UTRN: variants seen among roughly 807,000 people sequenced by gnomAD.
The protein encoded by UTRN is dystrophin-related protein 1.
A neutral mutation model predicts 463.9 loss-of-function variants in UTRN; 283 were observed. The ratio of observed to expected loss-of-function variants is 0.61; its 90% CI spans 0.55 to 0.67. The LOEUF is 0.67. Among genes scored for constraint, UTRN ranks in the 30% least tolerant of loss-of-function variants. The pLI, the probability that UTRN is intolerant of heterozygous loss-of-function variation, is 0.00. For synonymous variants in UTRN, 1,442 were observed against 1,431.5 expected, an observed-to-expected ratio of 1.01 and a Z score of -0.17; for missense variants, 3,922 against 4,084.3, an observed-to-expected ratio of 0.96 and a Z score of 1.08.
At chr6:144,345,785 G>T (rs1338011215) in intron 2 of UTRN, among the ~76,000 whole-genome samples, 1 of 152,164 alleles carries the variant, frequency 6.6e-6, no homozygotes, top group African/African-American at 2.4e-5. Flanking sequence ...TGGTCAGCTA[G>T]TCTTCATCAA....
intron 65 of UTRN, among the ~76,000 whole-genome samples, chr6:144,812,937 A>G (rs541164618): frequency 3.7e-4 from 57 of 152,258 alleles, no homozygotes; most frequent in Middle Eastern, 3.4e-3. Flanking sequence ...AGTACAGTGG[A>G]GTAAAGCACA....
At chr6:144,558,641 TA>T (rs1164071597) in intron 50 of UTRN, among the ~76,000 whole-genome samples, 2 of 151,344 alleles carry the variant, frequency 1.3e-5, no homozygotes, top group Non-Finnish European at 2.9e-5. Flanking sequence ...TAATAATAAT[TA>T]AAAAAAAGAA....
At chr6:144,290,996 G>A (rs531726689) in intron 1 of UTRN, among the ~76,000 whole-genome samples, 69 of 150,324 alleles carry the variant, frequency 4.6e-4, no homozygotes, top group African/African-American at 1.4e-3. Flanking sequence ...GGCTGGTCTC[G>A]AACTCCTGAC....
intron 51 of UTRN, among the ~76,000 whole-genome samples, chr6:144,645,196 G>A (rs1778166953): frequency 6.6e-6 from 1 of 152,060 alleles, no homozygotes; most frequent in East Asian, 1.9e-4. Context: ...AGTCCTGGAG[G>A]TATATCCATG....
chr6:144,771,383 G>T (rs887052351), intron 58 of UTRN, among the ~76,000 whole-genome samples: 1 of 151,940 alleles, frequency 6.6e-6, no homozygotes, highest in Non-Finnish European at 1.5e-5. Flanking sequence ...AAAGTGTTGG[G>T]ATTATAGATG....
intron 50 of UTRN, among the ~76,000 whole-genome samples, chr6:144,558,321 A>G (rs1799567510): frequency 6.6e-6 from 1 of 152,220 alleles, no homozygotes. Flanking sequence ...ACTGGAGAAA[A>G]TAAGACTGGG....
chr6:144,676,623 C>T (rs1419150766), intron 51 of UTRN, among the ~76,000 whole-genome samples: 1 of 151,620 alleles, frequency 6.6e-6, no homozygotes, highest in Non-Finnish European at 1.5e-5. Context: ...TTTGTTGCAC[C>T]CATTAACCCG....
intron 58 of UTRN, among the ~76,000 whole-genome samples, chr6:144,765,034 A>T (rs778119135): frequency 1.4e-5 from 2 of 142,278 alleles, no homozygotes; most frequent in Admixed American, 6.9e-5. Flanking sequence ...AGAGTCACGG[A>T]GATGAGGGTA....
intron 23 of UTRN, among the ~76,000 whole-genome samples, chr6:144,472,829 G>A (rs1057223603): frequency 6.7e-6 from 1 of 150,276 alleles, no homozygotes; most frequent in Non-Finnish European, 1.5e-5. Flanking sequence ...GTGTAGTGGT[G>A]CCATCTTGGC....
At chr6:144,607,868 T>C (rs1562642162) in intron 51 of UTRN, among the ~76,000 whole-genome samples, 2 of 152,214 alleles carry the variant, frequency 1.3e-5, no homozygotes. Flanking sequence ...TGACCTTGTT[T>C]TGTTTTATTT....
intron 2 of UTRN, among the ~76,000 whole-genome samples, chr6:144,331,710 G>A (rs187758166): frequency 5.3e-5 from 8 of 152,294 alleles, no homozygotes; most frequent in South Asian, 4.1e-4. Flanking sequence ...CGATTCAGCA[G>A]CGTGGTAAGA....
chr6:144,315,273 T>C (rs1775208140), intron 2 of UTRN, among the ~76,000 whole-genome samples: 1 of 152,172 alleles, frequency 6.6e-6, no homozygotes, highest in African/African-American at 2.4e-5. Context: ...GGTCAGGAAG[T>C]GGGGTCCCTG....
At chr6:144,737,432 T>C (rs959213173) in intron 54 of UTRN, among the ~76,000 whole-genome samples, 16 of 152,190 alleles carry the variant, frequency 1.1e-4, no homozygotes, top group African/African-American at 3.9e-4. Flanking sequence ...AACGAGGTAG[T>C]CTTTGGGACT....
At position 144,494,303 on chromosome 6, in the gene UTRN, G is replaced by A. The variant is rs183975920; in HGVS notation, c.4593+847G>A. Among the ~76,000 whole-genome samples, 48 of 152,216 alleles carry A rather than the reference G, an allele frequency of 3.2e-4. 1 individual carries two copies. The South Asian group carries it at 7.5e-3, about 24-fold the overall frequency. On this transcript the variant is annotated intron_variant, in intron 33 of 74. Coordinates refer to ENST00000367545, the MANE Select transcript of UTRN (RefSeq NM_007124.3). Reference sequence around the variant, plus strand: ...ATGGTCTTCCTGGCTCAGGAGTGACGCTGCAGACCTTTGCAGTGAGTGTTA... The same window carrying A: ...ATGGTCTTCCTGGCTCAGGAGTGACACTGCAGACCTTTGCAGTGAGTGTTA...
At chr6:144,706,214 T>C (rs2128701180) in intron 53 of UTRN, among the ~76,000 whole-genome samples, 1 of 138,826 alleles carries the variant, frequency 7.2e-6, no homozygotes, top group Admixed American at 7.5e-5. Flanking sequence ...TTGCTCTATA[T>C]TTCAGGGCAG....
At chr6:144,824,722 G>A (rs1312238647) in intron 66 of UTRN, among the ~76,000 whole-genome samples, 9 of 137,434 alleles carry the variant, frequency 6.5e-5, no homozygotes, top group African/African-American at 2.2e-4. Context: ...CGACCTCCCA[G>A]GCTCAAGTGT....
intron 2 of UTRN, among the ~76,000 whole-genome samples, chr6:144,361,176 G>A (rs1258076161): frequency 6.6e-6 from 1 of 152,188 alleles, no homozygotes; most frequent in East Asian, 1.9e-4. Context: ...ATGGCAGATG[G>A]CACTTAATGT....
chr6:144,594,580 A>G (rs957880828), intron 51 of UTRN, among the ~76,000 whole-genome samples: 16 of 152,206 alleles, frequency 1.1e-4, no homozygotes, highest in African/African-American at 1.4e-4. Context: ...CAGAAGTTCT[A>G]TATACTTTGA....
intron 9 of UTRN, among the ~76,000 whole-genome samples, chr6:144,432,237 C>T (rs1785925934): frequency 6.6e-6 from 1 of 152,206 alleles, no homozygotes. Context: ...GCAGGTTCCC[C>T]TCTGTTAAAT....
Sources: allele counts gnomAD v4.1 joint callset (sites outside exome capture counted in the v4.1 genomes callset), GRCh38; gene constraint gnomAD v4.1.1; transcripts MANE v1.5; gene names NCBI Gene and HGNC (gene_info 2026-07-23, HGNC 2026-07-21).